Variants in PTPRK observed in about 807,000 individuals in gnomAD.
The protein encoded by PTPRK is receptor-type tyrosine-protein phosphatase kappa.
Under a neutral mutation model 178.0 loss-of-function variants are expected in PTPRK, and 75 were observed. The observed-to-expected ratio is 0.42, with a 90% CI of 0.35 to 0.51. PTPRK has a LOEUF of 0.51. PTPRK is among the 20% of genes least tolerant of loss of function. PTPRK has a pLI of 0.02. For synonymous variants in PTPRK, 637 were observed against 620.6 expected (o/e 1.03, Z -0.39); for missense variants, 1,441 against 1,797.8 (o/e 0.80, Z 3.59).
intron 6 of PTPRK, among the ~76,000 whole-genome samples, chr6:128,191,817 A>G (rs912007028): frequency 4.6e-5 from 7 of 152,186 alleles, no homozygotes; most frequent in Non-Finnish European, 1.0e-4. Flanking sequence ...AAAATAATAA[A>G]TTTACCACGT....
At chr6:128,496,228 G>C (rs931369395) in intron 1 of PTPRK, among the ~76,000 whole-genome samples, 2 of 152,130 alleles carry the variant, frequency 1.3e-5, no homozygotes, top group South Asian at 4.1e-4. Context: ...AAGCAAACTT[G>C]ATGAGGAAGC....
At chr6:128,392,923 G>A (rs1476735196) in intron 2 of PTPRK, among the ~76,000 whole-genome samples, 4 of 151,894 alleles carry the variant, frequency 2.6e-5, no homozygotes, top group Non-Finnish European at 5.9e-5. Context: ...GGTAAATGGG[G>A]TATTTTTGAA....
At chr6:128,260,212 G>A (rs1241495465) in intron 3 of PTPRK, among the ~76,000 whole-genome samples, 1 of 151,838 alleles carries the variant, frequency 6.6e-6, no homozygotes, top group Non-Finnish European at 1.5e-5. Flanking sequence ...TAAAAGATTG[G>A]ATTTCATTCT....
chr6:128,068,153 T>C (rs1179280995), intron 11 of PTPRK, among the ~76,000 whole-genome samples: 2 of 152,220 alleles, frequency 1.3e-5, no homozygotes, highest in African/African-American at 4.8e-5. Context: ...ATGTTTAAAG[T>C]TAACATTTTC....
At chr6:128,118,655 ATC>A (rs1791963883) in intron 7 of PTPRK, among the ~76,000 whole-genome samples, 1 of 152,186 alleles carries the variant, frequency 6.6e-6, no homozygotes, top group African/African-American at 2.4e-5. Context: ...TCAGCAAAAT[ATC>A]TCCAGCTTGC....
chr6:128,433,320 C>G (rs576318030), intron 1 of PTPRK, among the ~76,000 whole-genome samples: 31 of 152,230 alleles, frequency 2.0e-4, no homozygotes, highest in Non-Finnish European at 3.8e-4. Context: ...TCATTCTACT[C>G]TCTACTTCCA....
intron 7 of PTPRK, among the ~76,000 whole-genome samples, chr6:128,157,250 C>T (rs958416188): frequency 2.0e-5 from 3 of 152,010 alleles, no homozygotes; most frequent in Non-Finnish European, 2.9e-5. Flanking sequence ...AACTGTCTTT[C>T]AACACTACTG....
chr6:128,060,088 T>C (rs1352437162), intron 13 of PTPRK, among the ~76,000 whole-genome samples: 1 of 152,112 alleles, frequency 6.6e-6, no homozygotes, highest in Non-Finnish European at 1.5e-5. Context: ...CGGGGTCCAA[T>C]GTGAAGTGAA....
chr6:128,396,751 G>A (rs1224644225), intron 2 of PTPRK, among the ~76,000 whole-genome samples: 1 of 152,148 alleles, frequency 6.6e-6, no homozygotes, highest in Non-Finnish European at 1.5e-5. Flanking sequence ...TGTAATCCCA[G>A]CAGTTTGGGA....
chr6:128,354,325 C>A (rs1403144904), intron 2 of PTPRK, among the ~76,000 whole-genome samples: 2 of 128,750 alleles, frequency 1.6e-5, no homozygotes, highest in Admixed American at 1.9e-4. Context: ...GCAAGCTCTG[C>A]CTCCTGGGTT....
chr6:127,972,938 G>T, intron 29 of PTPRK, 84 bp downstream of exon 29: 1 of 1,363,208 alleles, frequency 7.3e-7, no homozygotes, highest in Admixed American at 1.8e-5. Context: ...GATTCCCTAT[G>T]TGTGTATGAA....
intron 1 of PTPRK, among the ~76,000 whole-genome samples, chr6:128,476,928 T>C (rs1009108291): frequency 1.1e-4 from 17 of 151,614 alleles, no homozygotes; most frequent in African/African-American, 4.1e-4. Flanking sequence ...ACGAATAAAA[T>C]CTTACTAGGA....
chr6:128,423,380 T>C (rs1422005081), intron 1 of PTPRK, among the ~76,000 whole-genome samples: 1 of 152,138 alleles, frequency 6.6e-6, no homozygotes, highest in Non-Finnish European at 1.5e-5. Flanking sequence ...GTTGAATCTA[T>C]ATTTGTTTTG....
At chr6:128,517,349 T>C (rs1305662681) in intron 1 of PTPRK, among the ~76,000 whole-genome samples, 1 of 152,208 alleles carries the variant, frequency 6.6e-6, no homozygotes, top group African/African-American at 2.4e-5. Context: ...CAAGTCACCT[T>C]ACCTGCATCT....
At chr6:128,437,316 A>G (rs906448257) in intron 1 of PTPRK, among the ~76,000 whole-genome samples, 1 of 152,236 alleles carries the variant, frequency 6.6e-6, no homozygotes, top group Non-Finnish European at 1.5e-5. Context: ...AAACCATCAT[A>G]AAAGAGTACA....
At chr6:128,470,318 G>C (rs980444631) in intron 1 of PTPRK, among the ~76,000 whole-genome samples, 12 of 151,490 alleles carry the variant, frequency 7.9e-5, no homozygotes, top group South Asian at 2.1e-4. Context: ...GAGTTCTCAA[G>C]TGTTTTTGTG....
chr6:128,246,160 G>C (rs551924277), intron 3 of PTPRK, among the ~76,000 whole-genome samples: 1 of 152,072 alleles, frequency 6.6e-6, no homozygotes, highest in Non-Finnish European at 1.5e-5. Flanking sequence ...CAGAAAAAAA[G>C]TTTTTAAAAA....
chr6:128,313,471 A>G (rs17055619), intron 3 of PTPRK, among the ~76,000 whole-genome samples: 13,820 of 152,188 alleles, frequency 0.091, 764 homozygotes, highest in African/African-American at 0.15. Flanking sequence ...CACTGAGTGC[A>G]GAGGTATTAA....
At chr6:128,218,738 A>G (rs1436812541) in intron 6 of PTPRK, among the ~76,000 whole-genome samples, 184 bp downstream of exon 6, 1 of 152,216 alleles carries the variant, frequency 6.6e-6, no homozygotes, top group Non-Finnish European at 1.5e-5. Flanking sequence ...AACTTCAAAA[A>G]CTTTACAAAC....
Sources: allele counts gnomAD v4.1 joint callset (sites outside exome capture counted in the v4.1 genomes callset), GRCh38; gene constraint gnomAD v4.1.1; transcripts MANE v1.5; gene names NCBI Gene and HGNC (gene_info 2026-07-23, HGNC 2026-07-21).